Variants in BMPR1A observed in about 807,000 individuals in gnomAD.
BMPR1A encodes bone morphogenetic protein receptor type-1A.
BMPR1A carries 7 observed loss-of-function variants against 66.0 expected under a neutral mutation model. That is an observed-to-expected ratio of 0.11 (90% CI 0.06 to 0.20). The LOEUF (loss-of-function observed/expected upper bound fraction) is 0.20. Ranked by LOEUF, BMPR1A falls within the 10% of genes least tolerant of loss-of-function variation. The pLI, the probability that BMPR1A is intolerant of heterozygous loss-of-function variation, is 1.00. For missense variants in BMPR1A, 408 were observed against 669.1 expected, an observed-to-expected ratio of 0.61 and a Z score of 4.31; for synonymous variants, 200 against 229.7, an observed-to-expected ratio of 0.87 and a Z score of 1.17.
chr10:86,857,180 A>G (rs1842654349), intron 2 of BMPR1A, among the ~76,000 whole-genome samples: 1 of 152,124 alleles, frequency 6.6e-6, no homozygotes, highest in African/African-American at 2.4e-5. Flanking sequence ...GGCTAGCTCA[A>G]ACCCCATCCT....
At chr10:86,923,103 C>T (rs761770740) in intron 11 of BMPR1A, among the ~76,000 whole-genome samples, 3 of 152,150 alleles carry the variant, frequency 2.0e-5, no homozygotes, top group African/African-American at 4.8e-5. Flanking sequence ...TGGCTGATTT[C>T]GCCTTGCTTA....
In BMPR1A at chr10:86,921,526, A is replaced by T. The variant is rs766032673; in HGVS notation, c.1173A>T (p.Thr391=). The T allele has an allele frequency of 3.1e-6, 5 of 1,613,914 alleles. No individual in the cohort carries two copies. Among genetic ancestry groups the T allele is most frequent in the Non-Finnish European group, 4.2e-6 (5 of 1,179,944 alleles). The change falls in exon 11 of 13, where the codon ACA becomes ACT. Residue 391 remains threonine, a synonymous_variant. Coordinates refer to ENST00000372037, the MANE Select transcript of BMPR1A (RefSeq NM_004329.3). ...TGGCTTTCTTTTGTTTCAGTGACAC[A>T]AATGAAGTTGATGTGCCCTTGAATA... The part of the protein sequence containing the change: ...LGLAVKFNSD[T]NEVDVPLNTR...
At chr10:86,902,119 C>A (rs1843319588) in intron 7 of BMPR1A, among the ~76,000 whole-genome samples, 1 of 152,154 alleles carries the variant, frequency 6.6e-6, no homozygotes, top group Non-Finnish European at 1.5e-5. Flanking sequence ...CTCGCCCTCC[C>A]AAATTGCTGG....
intron 1 of BMPR1A, among the ~76,000 whole-genome samples, chr10:86,837,560 GC>G (rs2133104514): frequency 6.6e-6 from 1 of 152,246 alleles, no homozygotes; most frequent in East Asian, 1.9e-4. Flanking sequence ...TGGAAATAGT[GC>G]ATTTCTTTTC....
At chr10:86,889,992 A>T in intron 3 of BMPR1A, 70 bp from the exon 4 acceptor site, 1 of 1,555,894 alleles carries the variant, frequency 6.4e-7, no homozygotes, top group East Asian at 2.2e-5. Flanking sequence ...ACTTTTTCTC[A>T]TTGAAAATTG....
chr10:86,867,982 G>A (rs1388857297), intron 2 of BMPR1A, among the ~76,000 whole-genome samples: 1 of 152,184 alleles, frequency 6.6e-6, no homozygotes, highest in Non-Finnish European at 1.5e-5. Flanking sequence ...GGGAAAGGTA[G>A]AGTTGGAAAG....
chr10:86,759,314 C>G (rs1434808909), intron 1 of BMPR1A, among the ~76,000 whole-genome samples: 2 of 152,192 alleles, frequency 1.3e-5, no homozygotes, highest in African/African-American at 2.4e-5. Context: ...TCACTTTTCT[C>G]TATGTCTCTA....
At chr10:86,768,273 A>C (rs922316220) in intron 1 of BMPR1A, among the ~76,000 whole-genome samples, 2 of 152,226 alleles carry the variant, frequency 1.3e-5, no homozygotes, top group Non-Finnish European at 2.9e-5. Context: ...TATCTTAAAT[A>C]TAAAGAGCGT....
rs1370648729 is a variant in BMPR1A at position 86,927,215 on chromosome 10, G to T, written c.*3496G>T. 1.1e-5 allele frequency: 2 copies of T among 189,360 alleles called. No individual in the cohort carries two copies. The highest frequency in any genetic ancestry group is 2.2e-5 in the Non-Finnish European group (2 of 90,122). The allele number at this position is 189,360 out of a possible 1,614,324, so 11.7% of individuals were successfully genotyped here. A position where few individuals can be genotyped will look rare whatever the true frequency, so the allele number is the denominator to read the frequency against. ...GTTTTTAAAGAATCATGCATCTTTG[G>T]GTTGGCCCAGGATCAAATTTGATAT... On this transcript the variant is annotated 3_prime_UTR_variant, in exon 13 of 13. Transcript: ENST00000372037.
chr10:86,818,269 G>T lies in BMPR1A; in HGVS notation c.-267-20596G>T, dbSNP rs142132396. On this transcript the variant is annotated intron_variant, in intron 1 of 12. Coordinates refer to ENST00000372037, the MANE Select transcript of BMPR1A (RefSeq NM_004329.3). ...CCTGACCTCGTGATCTGCCCTCCTC[G>T]GCCTCCAAAAGTGCTGGGATTACAG... is the stretch of plus-strand genomic sequence containing the variant. 4.5e-3 allele frequency among the ~76,000 whole-genome samples: 686 copies of T among 152,180 alleles called. 4 individuals carry two copies. Among genetic ancestry groups the T allele is most frequent in the African/African-American group, 0.016 (650 of 41,514 alleles).
chr10:86,801,772 G>A (rs1334900716), intron 1 of BMPR1A, among the ~76,000 whole-genome samples: 2 of 151,956 alleles, frequency 1.3e-5, no homozygotes. Flanking sequence ...GGAGTGCAGT[G>A]GCGCATGTTG....
At chr10:86,795,132 TGA>T (rs1841687925) in intron 1 of BMPR1A, among the ~76,000 whole-genome samples, 1 of 152,068 alleles carries the variant, frequency 6.6e-6, no homozygotes, top group African/African-American at 2.4e-5. Flanking sequence ...ATTATAGGGG[TGA>T]GCCACCACTC....
At chr10:86,873,993 TAA>T (rs1330937546) in intron 2 of BMPR1A, among the ~76,000 whole-genome samples, 1 of 152,170 alleles carries the variant, frequency 6.6e-6, no homozygotes, top group Non-Finnish European at 1.5e-5. Flanking sequence ...GAAAGCTAAT[TAA>T]AGTGAAAATT....
At chr10:86,882,237 A>T (rs930251724) in intron 3 of BMPR1A, among the ~76,000 whole-genome samples, 2 of 152,116 alleles carry the variant, frequency 1.3e-5, no homozygotes, top group Non-Finnish European at 2.9e-5. Context: ...AGCCTGGCCA[A>T]CATGGTGAAA....
chr10:86,783,014 G>A (rs1841460438), intron 1 of BMPR1A, among the ~76,000 whole-genome samples: 1 of 152,128 alleles, frequency 6.6e-6, no homozygotes, highest in Admixed American at 6.5e-5. Flanking sequence ...CTTATGTTTA[G>A]GTCTTTAATC....
intron 1 of BMPR1A, among the ~76,000 whole-genome samples, chr10:86,778,275 C>T (rs115376025): frequency 0.012 from 1,849 of 150,282 alleles, 35 homozygotes; most frequent in African/African-American, 0.041. Context: ...AGTGGATTTT[C>T]TTGTTGTTGT....
At chr10:86,807,492 T>C (rs1323888111) in intron 1 of BMPR1A, among the ~76,000 whole-genome samples, 7 of 152,098 alleles carry the variant, frequency 4.6e-5, no homozygotes, top group African/African-American at 1.7e-4. Flanking sequence ...GCGGTCCTCC[T>C]GCCTCAGCCT....
At chr10:86,838,473 GA>G (rs1470800420) in intron 1 of BMPR1A, among the ~76,000 whole-genome samples, 1 of 151,912 alleles carries the variant, frequency 6.6e-6, no homozygotes, top group Non-Finnish European at 1.5e-5. Flanking sequence ...AGAAAAAAGT[GA>G]TATTAGCTAG....
In BMPR1A at chr10:86,796,190, CT is replaced by C. The variant is rs556944264; in HGVS notation, c.-268+39279del. 5.4e-3 allele frequency among the ~76,000 whole-genome samples: 826 copies of C among 151,590 alleles called. 4 individuals are homozygous for C. The highest frequency in any genetic ancestry group is 8.4e-3 in the Non-Finnish European group (570 of 67,878). ...CAGTTGGTTTTAGTTAGAATATATGCTTTTTTTTAAGCCTTTAAGGAATTAA... is the reference window on the plus strand; with the variant it reads ...CAGTTGGTTTTAGTTAGAATATATGCTTTTTTTAAGCCTTTAAGGAATTAA... On this transcript the variant is annotated intron_variant, in intron 1 of 12. Coordinates refer to ENST00000372037, the MANE Select transcript of BMPR1A (RefSeq NM_004329.3).
Sources: allele counts gnomAD v4.1 joint callset (sites outside exome capture counted in the v4.1 genomes callset), GRCh38; gene constraint gnomAD v4.1.1; transcripts MANE v1.5; gene names NCBI Gene and HGNC (gene_info 2026-07-23, HGNC 2026-07-21).